Variants in ADAMTS2 observed in about 807,000 individuals in gnomAD.
The protein encoded by ADAMTS2 is ADAM metallopeptidase with thrombospondin type 1 motif 2.
ADAMTS2 carries 50 observed loss-of-function variants against 123.0 expected under a neutral mutation model. The ratio of observed to expected loss-of-function variants is 0.41; its 90% confidence interval spans 0.32 to 0.51. ADAMTS2 has a LOEUF of 0.51. ADAMTS2 is among the 20% of genes least tolerant of loss of function. The pLI is 0.35. For missense variants in ADAMTS2, 1,494 were observed against 1,705.2 expected, an observed-to-expected ratio of 0.88 and a Z score of 2.18; for synonymous variants, 678 against 695.4, an observed-to-expected ratio of 0.98 and a Z score of 0.39.
chr5:179,176,836 T>C (rs1763941699), intron 5 of ADAMTS2, among the ~76,000 whole-genome samples: 1 of 152,226 alleles, frequency 6.6e-6, no homozygotes, highest in Non-Finnish European at 1.5e-5. Context: ...TCTTTGGCAT[T>C]GGGTCTGCTG....
In ADAMTS2 at chr5:179,303,911, G is replaced by T. The variant is rs1269712360; in HGVS notation, c.535-30847C>A. Reference sequence around the variant, plus strand: ...GCAGGAAACTGGACAGGGCTAGGAAGATGGCAGAGACAGCAGAGCTTGGGG... The same window carrying T: ...GCAGGAAACTGGACAGGGCTAGGAATATGGCAGAGACAGCAGAGCTTGGGG... On this transcript the variant is annotated intron_variant, in intron 2 of 21. Coordinates refer to ENST00000251582, the MANE Select transcript of ADAMTS2 (RefSeq NM_014244.5). This position sits in a 1 kb window ranked among gnomAD's most constrained non-coding sequence, Gnocchi z 4.7. 6.6e-6 allele frequency among the ~76,000 whole-genome samples: 1 copy of T among 152,232 alleles called. No homozygotes were observed. The highest frequency in any genetic ancestry group is 1.5e-5 in the Non-Finnish European group (1 of 68,046).
intron 3 of ADAMTS2, among the ~76,000 whole-genome samples, chr5:179,250,843 C>G (rs566564689): frequency 1.3e-5 from 2 of 152,346 alleles, no homozygotes; most frequent in East Asian, 3.9e-4. Context: ...ATAGCAGCCT[C>G]GGCTTGTCTT....
At chr5:179,236,080 G>A (rs910482679) in intron 3 of ADAMTS2, among the ~76,000 whole-genome samples, 2 of 152,208 alleles carry the variant, frequency 1.3e-5, no homozygotes, top group Non-Finnish European at 2.9e-5. Context: ...GATGTCCTGT[G>A]CCTTGTGAGA....
rs765538126 is a variant in ADAMTS2 at position 179,152,240 on chromosome 5, GGTC to G, written c.1528_1530del (p.Asp510del). 2 of 1,613,904 alleles carry G rather than the reference GGTC, an allele frequency of 1.2e-6. No homozygotes were observed. The highest frequency in any genetic ancestry group is 1.7e-6 in the Non-Finnish European group (2 of 1,179,938). On this transcript the variant is annotated inframe_deletion, in exon 10 of 22. Coordinates refer to ENST00000251582, the MANE Select transcript of ADAMTS2 (RefSeq NM_014244.5). Reference sequence around the variant, plus strand: ...TGGCTGCACCACAGCTGCTTGCAGGGGTCAAAGGTCCGGAACTGGAAGACAGCA... The same window carrying G: ...TGGCTGCACCACAGCTGCTTGCAGGGAAAGGTCCGGAACTGGAAGACAGCA...
chr5:179,311,157 C>CT (rs1756823684), intron 2 of ADAMTS2, among the ~76,000 whole-genome samples: 1 of 152,066 alleles, frequency 6.6e-6, no homozygotes, highest in Non-Finnish European at 1.5e-5. Context: ...GATGTTCACT[C>CT]TGAGGCCGAG....
intron 15 of ADAMTS2, among the ~76,000 whole-genome samples, chr5:179,131,983 A>G (rs976762331): frequency 1.9e-4 from 29 of 152,314 alleles, no homozygotes; most frequent in African/African-American, 6.7e-4. Context: ...TGTTTTGCAT[A>G]TATGTCCTTT....
Position 179,344,027 on chromosome 5 carries a change from C to G in ADAMTS2, c.274G>C (p.Val92Leu). ...CCTCCGGGGAAGCTCGGGGTCCGGA[C>G]CGGGGCGGCCCTGCGGGCTCGTACC... ...AGVRARRAAPVRTPSFPGGNE... is the reference protein window; with the variant it reads ...AGVRARRAAPLRTPSFPGGNE... Residue 92 changes from valine (V) to leucine (L), a missense_variant, in exon 2 of 22, where the codon GTC becomes CTC. Physicochemically the swap from Val to Leu is conservative, Grantham distance 32 (BLOSUM62 1). Transcript: ENST00000251582. The G allele has an allele frequency of 6.2e-7, 1 of 1,612,586 alleles. No homozygotes were observed. Among genetic ancestry groups the G allele is most frequent in the Non-Finnish European group, 8.5e-7 (1 of 1,179,848 alleles).
intron 2 of ADAMTS2, among the ~76,000 whole-genome samples, chr5:179,289,512 G>A (rs1290706148): frequency 1.3e-5 from 2 of 152,154 alleles, no homozygotes; most frequent in Non-Finnish European, 2.9e-5. Flanking sequence ...TACAATTAGT[G>A]AGCAAAAGGA....
chr5:179,288,513 C>G lies in ADAMTS2; in HGVS notation c.535-15449G>C, dbSNP rs77606162. ...CCTTCAGACACTGCCCAGCCCGTGT[C>G]CCCACCCACCCAGGGTGGCTCCGGG... On this transcript the variant is annotated intron_variant, in intron 2 of 21. Coordinates refer to ENST00000251582, the MANE Select transcript of ADAMTS2 (RefSeq NM_014244.5). 5.1e-3 allele frequency among the ~76,000 whole-genome samples: 783 copies of G among 152,362 alleles called. 9 individuals carry two copies. Among genetic ancestry groups the G allele is most frequent in the East Asian group, 0.037 (192 of 5,172 alleles).
chr5:179,242,260 C>T lies in ADAMTS2; in HGVS notation c.688+30651G>A, dbSNP rs1044826346. The stretch of plus-strand genomic sequence containing the variant: ...GCCTTGGCAGCCTCGTGTGGGCCAG[C>T]GGTGCCTGCTGTCTTGCTCGCGTGT... On this transcript the variant is annotated intron_variant, in intron 3 of 21. Coordinates refer to ENST00000251582, the MANE Select transcript of ADAMTS2 (RefSeq NM_014244.5). This position sits in a 1 kb window ranked among gnomAD's most constrained non-coding sequence, Gnocchi z 4.2. 1.3e-5 allele frequency among the ~76,000 whole-genome samples: 2 copies of T among 152,192 alleles called. No individual in the cohort carries two copies. The highest frequency in any genetic ancestry group is 2.1e-4 in the South Asian group (1 of 4,822).
Position 179,153,550 on chromosome 5 carries a change from A to G in ADAMTS2, c.1456T>C (p.Tyr486His), listed in dbSNP as rs1763408083. Residue 486 changes from tyrosine to histidine, a missense_variant, in exon 9 of 22, where the codon TAC (tyrosine) becomes CAC (histidine). By Grantham distance (83) the Tyr-to-His change is moderately conservative. Coordinates refer to ENST00000251582, the MANE Select transcript of ADAMTS2 (RefSeq NM_014244.5). ...AAGCGGCATTGCTCGTTCATGGAGT[A>G]GTGCAGTCCCGGGAGCTGGGGCAGC... ...PALPQLPGLHYSMNEQCRFDF... is the reference protein window; with the variant it reads ...PALPQLPGLHHSMNEQCRFDF... 1 of 1,610,744 alleles carries G rather than the reference A, an allele frequency of 6.2e-7. No homozygotes were observed. Among genetic ancestry groups the G allele is most frequent in the Non-Finnish European group, 8.5e-7 (1 of 1,179,822 alleles).
At chr5:179,238,359 G>A (rs573401164) in intron 3 of ADAMTS2, among the ~76,000 whole-genome samples, 3 of 152,254 alleles carry the variant, frequency 2.0e-5, no homozygotes, top group Admixed American at 6.5e-5. Flanking sequence ...GGGAGTCACC[G>A]CAGCTCCCTG....
intron 2 of ADAMTS2, among the ~76,000 whole-genome samples, chr5:179,331,352 GAGAAA>G (rs1196887819): frequency 1.7e-5 from 2 of 114,838 alleles, no homozygotes; most frequent in African/African-American, 7.0e-5. Flanking sequence ...AAAGAGGAAT[GAGAAA>G]AGAAGGGGGA....
intron 21 of ADAMTS2, 64 bp from the exon 22 acceptor site, chr5:179,114,388 G>A (rs1393854241): frequency 1.3e-6 from 2 of 1,512,646 alleles, no homozygotes; most frequent in East Asian, 2.4e-5. Flanking sequence ...TTCCCCCACA[G>A]GGTGCAGCTT....
chr5:179,149,529 G>A (rs1165386401), intron 10 of ADAMTS2, among the ~76,000 whole-genome samples: 1 of 152,184 alleles, frequency 6.6e-6, no homozygotes, highest in African/African-American at 2.4e-5. Context: ...CCAGGAGCCA[G>A]GAGGATGGAA....
At chr5:179,344,220 C>A (rs1405451839) in intron 1 of ADAMTS2, 59 bp from the exon 2 acceptor site, 2 of 1,526,888 alleles carry the variant, frequency 1.3e-6, no homozygotes, top group Non-Finnish European at 1.8e-6. Context: ...GCCTCAGAGA[C>A]CCGCCGGCAA....
At chr5:179,287,862 G>C (rs1185017357) in intron 2 of ADAMTS2, among the ~76,000 whole-genome samples, 2 of 152,340 alleles carry the variant, frequency 1.3e-5, no homozygotes, top group South Asian at 2.1e-4. Flanking sequence ...TAGAAGCAGG[G>C]GCAGACAGGA....
At chr5:179,221,544 C>T (rs918265410) in intron 3 of ADAMTS2, among the ~76,000 whole-genome samples, 1 of 152,178 alleles carries the variant, frequency 6.6e-6, no homozygotes, top group Non-Finnish European at 1.5e-5. Context: ...GGGACCACCC[C>T]AGCCCTCCCC....
At chr5:179,221,724 C>A (rs1765131402) in intron 3 of ADAMTS2, among the ~76,000 whole-genome samples, 1 of 152,124 alleles carries the variant, frequency 6.6e-6, no homozygotes, top group Admixed American at 6.5e-5. Context: ...GAAGAGCCCC[C>A]CGCAGAGGTG....
Sources: gnomAD v4.1 joint callset for allele counts (sites outside exome capture counted in the v4.1 genomes callset) on GRCh38, gnomAD v4.1.1 for gene constraint, Gnocchi (gnomAD v3.1) non-coding constraint, MANE v1.5 for transcripts, NCBI Gene and HGNC (gene_info 2026-07-23, HGNC 2026-07-21) for gene names.